Variants in LEMD1 observed in about 807,000 individuals in gnomAD.
The protein encoded by LEMD1 is LEM domain-containing protein 1.
In LEMD1, 18 loss-of-function variants were observed where a neutral mutation model predicts 17.4. The ratio of observed to expected loss-of-function variants is 1.04; its 90% confidence interval spans 0.72 to 1.54. The LOEUF is 1.54. Among genes scored for constraint, LEMD1 ranks in the 40% most tolerant of loss-of-function variants. LEMD1 has a pLI of 0.00. For missense variants in LEMD1, 195 were observed against 210.4 expected (o/e 0.93, Z 0.45); for synonymous variants, 88 against 77.8 (o/e 1.13, Z -0.69).
chr1:205,404,754 C>G (rs1383476577), intron 4 of LEMD1, among the ~76,000 whole-genome samples: 1 of 151,440 alleles, frequency 6.6e-6, no homozygotes, highest in Non-Finnish European at 1.5e-5. Flanking sequence ...ATGATGCTAG[C>G]TGGTTATTTT....
Position 205,420,470 on chromosome 1 carries a change from G to A in LEMD1, c.67C>T (p.Pro23Ser), listed in dbSNP as rs768951969. Residue 23 changes from proline (P) to serine (S), a missense_variant, in exon 2 of 6, where the codon CCT (proline) becomes TCT (serine). Physicochemically the swap from Pro to Ser is moderately conservative, Grantham distance 74 (BLOSUM62 -1). Transcript: ENST00000367153. ...QNQLEKLGFSPGPILPSTRKL... is the reference protein window; with the variant it reads ...QNQLEKLGFSSGPILPSTRKL... Reference sequence around the variant, plus strand: ...CTGTACATACGTAGTATTGGGCCAGGTGAAAATCCAAGCTTCTCAAGTTGG... The same window carrying A: ...CTGTACATACGTAGTATTGGGCCAGATGAAAATCCAAGCTTCTCAAGTTGG... The A allele has an allele frequency of 3.7e-6, 6 of 1,613,226 alleles. No homozygotes were observed. The African/African-American group carries it at 5.3e-5, about 14-fold the overall frequency.
At chr1:205,443,564 G>A (rs1387664937) in intron 1 of LEMD1, among the ~76,000 whole-genome samples, 1 of 152,080 alleles carries the variant, frequency 6.6e-6, no homozygotes, top group Non-Finnish European at 1.5e-5. Context: ...AGAGGTGTTC[G>A]AGGGCTGGCT....
intron 4 of LEMD1, among the ~76,000 whole-genome samples, chr1:205,392,169 C>T (rs1664374590): frequency 6.6e-6 from 1 of 151,988 alleles, no homozygotes; most frequent in Non-Finnish European, 1.5e-5. Flanking sequence ...ATAATAGACA[C>T]TGACATCAAG....
chr1:205,416,322 A>G (rs1239520696), intron 3 of LEMD1, 26 bp from the exon 4 acceptor site: 5 of 1,467,308 alleles, frequency 3.4e-6, no homozygotes, highest in Non-Finnish European at 4.7e-6. Flanking sequence ...CAAAAGGAAA[A>G]TAGGCCATGA....
At chr1:205,393,095 A>C (rs1664415247) in intron 4 of LEMD1, among the ~76,000 whole-genome samples, 1 of 152,140 alleles carries the variant, frequency 6.6e-6, no homozygotes, top group Non-Finnish European at 1.5e-5. Flanking sequence ...TGGAAAAAAA[A>C]CTTGCACATC....
chr1:205,430,229 G>A (rs1049234510), intron 1 of LEMD1, among the ~76,000 whole-genome samples: 3 of 152,192 alleles, frequency 2.0e-5, no homozygotes, highest in Non-Finnish European at 2.9e-5. Flanking sequence ...AAGGGTCCTC[G>A]GCTTCAGGCC....
Position 205,448,522 on chromosome 1 carries a change from C to T in LEMD1, c.-39+1346G>A. ...CACACTGCCTCCCTCCAGGACTGGG[C>T]CCCCCAGGTTAAATTCTCTCACCAT... On this transcript the variant is annotated intron_variant, in intron 1 of 3. Transcript: ENST00000367154. This position sits in a 1 kb window ranked among gnomAD's most constrained non-coding sequence, Gnocchi z 4.7. 1 of 390,752 alleles carries T rather than the reference C, an allele frequency of 2.6e-6. No individual in the cohort carries two copies. Among genetic ancestry groups the T allele is most frequent in the South Asian group, 1.9e-5 (1 of 53,644 alleles). The allele number at this position is 390,752 out of a possible 1,614,324, so 24.2% of individuals were successfully genotyped here. A position where few individuals can be genotyped will look rare whatever the true frequency, so the allele number is the denominator to read the frequency against.
At chr1:205,392,782 T>C (rs1664403366) in intron 4 of LEMD1, among the ~76,000 whole-genome samples, 1 of 152,150 alleles carries the variant, frequency 6.6e-6, no homozygotes, top group Admixed American at 6.6e-5. Flanking sequence ...GAGGTGGGGC[T>C]AAAAAATTTT....
chr1:205,409,336 G>T (rs12083950), intron 4 of LEMD1, among the ~76,000 whole-genome samples: 48,647 of 151,980 alleles, frequency 0.32, 8,293 homozygotes, highest in African/African-American at 0.42. Context: ...AGTATGTTGT[G>T]TTGTACTACA....
At chr1:205,443,466 T>C (rs1016030849) in intron 1 of LEMD1, among the ~76,000 whole-genome samples, 10 of 151,960 alleles carry the variant, frequency 6.6e-5, no homozygotes, top group Non-Finnish European at 1.0e-4. Context: ...GGGAGTGAGG[T>C]CACAGGAACC....
At chr1:205,408,350 C>CACAG (rs1232355861) in intron 4 of LEMD1, among the ~76,000 whole-genome samples, 1 of 151,710 alleles carries the variant, frequency 6.6e-6, no homozygotes, top group Non-Finnish European at 1.5e-5. Context: ...CACACACACA[C>CACAG]TCCTCAAATG....
chr1:205,428,924 C>T (rs1391284132), intron 1 of LEMD1, among the ~76,000 whole-genome samples: 1 of 152,090 alleles, frequency 6.6e-6, no homozygotes, highest in Non-Finnish European at 1.5e-5. Flanking sequence ...ATCTCAGTAA[C>T]CAGAGGTGCC....
chr1:205,434,082 T>C (rs1041341483), intron 1 of LEMD1, among the ~76,000 whole-genome samples: 1 of 152,248 alleles, frequency 6.6e-6, no homozygotes, highest in African/African-American at 2.4e-5. Flanking sequence ...CTTAATGTTA[T>C]GCCATCTTAT....
exon 1 of LEMD1, chr1:205,449,921 G>C (rs1343571762): frequency 6.6e-6 from 1 of 152,576 alleles, no homozygotes; most frequent in African/African-American, 2.4e-5. Flanking sequence ...ACAATTCCCC[G>C]CAGAGCCACT....
chr1:205,413,463 A>T lies in LEMD1; in HGVS notation c.270+2769T>A, dbSNP rs868617661. Among the ~76,000 whole-genome samples the T allele has an allele frequency of 4.0e-5, 6 of 149,750 alleles. No homozygotes were observed. The South Asian group carries it at 1.3e-3, about 32-fold the overall frequency. ...ATCACCATGTACAGTTAATTTTTAC[A>T]ATTTTTGTAGAGATGAGGTGTCACC... is the stretch of plus-strand genomic sequence containing the variant. On this transcript the variant is annotated intron_variant, in intron 4 of 5. Coordinates refer to ENST00000367153, the MANE Select transcript of LEMD1 (RefSeq NM_001199050.2).
At chr1:205,438,461 G>A (rs891449982) in intron 1 of LEMD1, among the ~76,000 whole-genome samples, 8 of 152,252 alleles carry the variant, frequency 5.3e-5, no homozygotes. Context: ...GAATGCTGGG[G>A]CTGCTTTGGC....
At chr1:205,421,701 C>T (rs566057122) in intron 1 of LEMD1, among the ~76,000 whole-genome samples, 1 of 152,262 alleles carries the variant, frequency 6.6e-6, no homozygotes, top group South Asian at 2.1e-4. Context: ...GGGAAACTGA[C>T]TTAACACTTT....
intron 4 of LEMD1, among the ~76,000 whole-genome samples, chr1:205,388,831 GT>G (rs1221972967): frequency 6.6e-6 from 1 of 151,868 alleles, no homozygotes; most frequent in East Asian, 1.9e-4. Context: ...TCATAAGGGT[GT>G]TTTTTTCCAG....
chr1:205,427,073 G>A (rs1666067263), intron 1 of LEMD1, among the ~76,000 whole-genome samples: 1 of 152,092 alleles, frequency 6.6e-6, no homozygotes, highest in Non-Finnish European at 1.5e-5. Flanking sequence ...GGGTCATACT[G>A]CCTCTGGTTG....
Sources: allele counts gnomAD v4.1 joint callset (sites outside exome capture counted in the v4.1 genomes callset), GRCh38; gene constraint gnomAD v4.1.1; non-coding constraint Gnocchi (gnomAD v3.1); transcripts MANE v1.5; gene names NCBI Gene and HGNC (gene_info 2026-07-23, HGNC 2026-07-21).